The following TAFA1 variants were observed in gnomAD, a reference collection of about 807,000 sequenced individuals.
TAFA1 encodes TAFA chemokine like family member 1, also known as chemokine-like protein TAFA-1.
TAFA1 carries 4 observed loss-of-function variants against 18.5 expected under a neutral mutation model. The observed-to-expected ratio is 0.22, with a 90% confidence interval of 0.11 to 0.49. TAFA1 has a LOEUF of 0.49. TAFA1 is among the 20% of genes least tolerant of loss of function. TAFA1 has a pLI of 0.98. For synonymous variants in TAFA1, 56 were observed against 55.2 expected (o/e 1.01, Z -0.06); for missense variants, 147 against 169.0 (o/e 0.87, Z 0.72).
At chr3:68,263,664 G>A (rs2067482806) in intron 2 of TAFA1, among the ~76,000 whole-genome samples, 1 of 151,900 alleles carries the variant, frequency 6.6e-6, no homozygotes, top group Non-Finnish European at 1.5e-5. Flanking sequence ...GGGGCGGGGG[G>A]CGGTCAGGAC....
intron 2 of TAFA1, among the ~76,000 whole-genome samples, chr3:68,052,041 C>T (rs2064477098): frequency 1.3e-5 from 2 of 152,042 alleles, no homozygotes; most frequent in Admixed American, 1.3e-4. Flanking sequence ...ACTAAGGTGT[C>T]TCTGTCAATG....
chr3:68,365,846 G>A (rs2069557889), intron 2 of TAFA1, among the ~76,000 whole-genome samples: 1 of 152,084 alleles, frequency 6.6e-6, no homozygotes, highest in Non-Finnish European at 1.5e-5. Flanking sequence ...CCAGCACTTT[G>A]GTAGGCCAAG....
chr3:68,148,401 G>A (rs1172282852), intron 2 of TAFA1, among the ~76,000 whole-genome samples: 1 of 152,204 alleles, frequency 6.6e-6, no homozygotes, highest in Non-Finnish European at 1.5e-5. Flanking sequence ...GCTTTGACAT[G>A]TGTTCAGATC....
At chr3:68,147,767 CAA>C (rs1236078549) in intron 2 of TAFA1, among the ~76,000 whole-genome samples, 1 of 152,174 alleles carries the variant, frequency 6.6e-6, no homozygotes, top group Non-Finnish European at 1.5e-5. Context: ...AGGCTTTGAG[CAA>C]AGACATTGAA....
intron 2 of TAFA1, among the ~76,000 whole-genome samples, chr3:68,039,398 C>A (rs1461530741): frequency 1.3e-5 from 2 of 152,094 alleles, no homozygotes. Flanking sequence ...AATCAACTTT[C>A]TGTGCAAGGA....
intron 3 of TAFA1, among the ~76,000 whole-genome samples, chr3:68,480,163 C>A (rs1334937116): frequency 2.0e-5 from 3 of 149,312 alleles, no homozygotes; most frequent in African/African-American, 7.4e-5. Context: ...GAGGCCAGGG[C>A]AGGTGGATCA....
chr3:68,355,970 A>G (rs193155611), intron 2 of TAFA1, among the ~76,000 whole-genome samples: 383 of 152,136 alleles, frequency 2.5e-3, no homozygotes, highest in African/African-American at 8.8e-3. Context: ...TAGCTAAAAG[A>G]AATAAATATT....
At chr3:67,995,185 A>G in the TAFA1 span, among the ~76,000 whole-genome samples, 1,721 of 152,360 alleles carry the variant, frequency 0.011, 35 homozygotes, top group African/African-American at 0.039. Flanking sequence ...CTCTTAGTTG[A>G]CAACTAAATA....
At chr3:68,467,940 G>A (rs143563418) in intron 3 of TAFA1, among the ~76,000 whole-genome samples, 3 of 152,266 alleles carry the variant, frequency 2.0e-5, no homozygotes, top group African/African-American at 7.2e-5. Context: ...CCAGAAACTA[G>A]ATAAAGTTGT....
At chr3:68,437,125 C>A (rs767270409) in intron 3 of TAFA1, among the ~76,000 whole-genome samples, 3 of 152,138 alleles carry the variant, frequency 2.0e-5, no homozygotes. Context: ...GAGAAGGTCA[C>A]GCAATCCTAT....
the TAFA1 span, among the ~76,000 whole-genome samples, chr3:67,995,868 G>T: frequency 1.3e-5 from 2 of 152,130 alleles, no homozygotes; most frequent in Non-Finnish European, 2.9e-5. Flanking sequence ...ACTGCCAACG[G>T]CTTGCTTAGA....
intron 2 of TAFA1, among the ~76,000 whole-genome samples, chr3:68,037,210 A>G (rs1705070810): frequency 4.6e-5 from 7 of 152,166 alleles, no homozygotes; most frequent in Admixed American, 6.6e-5. Flanking sequence ...GTAGAAAGGC[A>G]ATGGGCATGA....
intron 2 of TAFA1, among the ~76,000 whole-genome samples, chr3:68,410,816 T>G (rs543481206): frequency 1.4e-4 from 21 of 151,130 alleles, no homozygotes; most frequent in African/African-American, 5.1e-4. Flanking sequence ...TTGACTTGGA[T>G]TGAGATGAAA....
In TAFA1 at chr3:68,075,677, C is replaced by T. The variant is rs150296983; in HGVS notation, c.118+68933C>T. Among the ~76,000 whole-genome samples the T allele has an allele frequency of 9.0e-3, 1,360 of 150,518 alleles. 16 individuals are homozygous for T. The highest frequency in any genetic ancestry group is 0.013 in the Non-Finnish European group (894 of 67,800). ...AACACTACTGGTGATGGACCAAGAA[C>T]GACTATCTTTTCTTCTTTCCCTTTT... On this transcript the variant is annotated intron_variant, in intron 2 of 4. Transcript: ENST00000478136.
intron 2 of TAFA1, among the ~76,000 whole-genome samples, chr3:68,186,814 G>A (rs1180257837): frequency 1.3e-5 from 2 of 152,056 alleles, no homozygotes; most frequent in Non-Finnish European, 2.9e-5. Context: ...GGCTGCTGAG[G>A]AAGCTCAAGC....
intron 2 of TAFA1, among the ~76,000 whole-genome samples, chr3:68,275,519 A>G (rs1307982206): frequency 1.4e-5 from 2 of 140,380 alleles, no homozygotes; most frequent in Non-Finnish European, 3.1e-5. Flanking sequence ...TTTTTTTTGC[A>G]TAAGTCATAA....
At chr3:68,240,375 A>C (rs2107134696) in intron 2 of TAFA1, among the ~76,000 whole-genome samples, 1 of 152,324 alleles carries the variant, frequency 6.6e-6, no homozygotes, top group Non-Finnish European at 1.5e-5. Flanking sequence ...AGACTCTTCC[A>C]TCTCTCTTGA....
chr3:68,050,691 G>T (rs2064459740), intron 2 of TAFA1, among the ~76,000 whole-genome samples: 1 of 152,144 alleles, frequency 6.6e-6, no homozygotes, highest in Non-Finnish European at 1.5e-5. Context: ...TAAGAGGCCA[G>T]ATTTTCAGCT....
intron 2 of TAFA1, among the ~76,000 whole-genome samples, chr3:68,166,919 G>A (rs2065988581): frequency 6.6e-6 from 1 of 152,148 alleles, no homozygotes; most frequent in South Asian, 2.1e-4. Context: ...TCTTCTGAAT[G>A]ATAAATAAGA....
Sources: allele counts gnomAD v4.1 joint callset (sites outside exome capture counted in the v4.1 genomes callset), GRCh38; gene constraint gnomAD v4.1.1; transcripts MANE v1.5; gene names NCBI Gene and HGNC (gene_info 2026-07-23, HGNC 2026-07-21).